The following NUP210L variants were observed in gnomAD, a reference collection of about 807,000 sequenced individuals.
NUP210L encodes nucleoporin 210 like.
In NUP210L, 74 loss-of-function variants were observed where a neutral mutation model predicts 208.5. The ratio of observed to expected loss-of-function variants is 0.35; its 90% CI spans 0.29 to 0.43. NUP210L has a LOEUF of 0.43. NUP210L is among the 20% of genes least tolerant of loss of function. The pLI is 1.00. For missense variants in NUP210L, 1,843 were observed against 2,289.4 expected, an observed-to-expected ratio of 0.81 and a Z score of 3.98; for synonymous variants, 780 against 816.9, an observed-to-expected ratio of 0.95 and a Z score of 0.77.
intron 38 of NUP210L, among the ~76,000 whole-genome samples, chr1:153,994,710 A>C (rs1282426718): frequency 6.6e-6 from 1 of 151,550 alleles, no homozygotes; most frequent in Non-Finnish European, 1.5e-5. Flanking sequence ...TTTCATCCTT[A>C]TTTGTGAAAT....
chr1:154,030,116 T>G, intron 27 of NUP210L, 62 bp from the exon 28 acceptor site: 1 of 1,206,602 alleles, frequency 8.3e-7, no homozygotes, highest in Non-Finnish European at 1.1e-6. Flanking sequence ...CTTCCTTTTT[T>G]TTTCACTTTT....
chr1:154,118,554 C>T (rs1321185746), intron 11 of NUP210L, 117 bp downstream of exon 11: 1 of 792,160 alleles, frequency 1.3e-6, no homozygotes, highest in Non-Finnish European at 1.8e-6. Context: ...GTCACCAAAA[C>T]CCAAGTTATA....
At chr1:154,068,879 G>A (rs1654552156) in intron 17 of NUP210L, among the ~76,000 whole-genome samples, 1 of 152,060 alleles carries the variant, frequency 6.6e-6, no homozygotes, top group Admixed American at 6.6e-5. Flanking sequence ...AATGCCAAAT[G>A]ACGAGTTAAT....
chr1:154,136,146 A>G (rs1658537163), intron 6 of NUP210L, among the ~76,000 whole-genome samples, 174 bp from the exon 7 acceptor site: 1 of 152,222 alleles, frequency 6.6e-6, no homozygotes. Flanking sequence ...TGGGGGGAGT[A>G]TATGAGTTAA....
At chr1:153,992,783 G>T in exon 40 of NUP210L, 2 of 1,220,142 alleles carry the variant, frequency 1.6e-6, no homozygotes, top group Non-Finnish European at 2.3e-6. Flanking sequence ...TCTTGTCGAG[G>T]ACTAGAAATC....
At chr1:154,152,682 C>T (rs1659458883) in intron 2 of NUP210L, 54 bp downstream of exon 2, 5 of 1,499,566 alleles carry the variant, frequency 3.3e-6, no homozygotes, top group East Asian at 2.3e-5. Flanking sequence ...TACAAAATAC[C>T]AGATTATTCT....
Position 154,125,908 on chromosome 1 carries a change from C to G in NUP210L, c.1326+415G>C, listed in dbSNP as rs528190746. The stretch of plus-strand genomic sequence containing the variant: ...TCAGCCTCCCAAGTAGCTGGAACTA[C>G]AGGCGCCCGCCACCGCGCCCGGCTA... On this transcript the variant is annotated intron_variant, in intron 10 of 39. Transcript: ENST00000368559. 2.6e-5 allele frequency among the ~76,000 whole-genome samples: 4 copies of G among 151,114 alleles called. No individual in the cohort carries two copies. In the South Asian group the frequency reaches 8.4e-4, roughly 32 times the overall value.
chr1:154,100,417 C>T (rs909243276), intron 13 of NUP210L, among the ~76,000 whole-genome samples: 1 of 150,146 alleles, frequency 6.7e-6, no homozygotes, highest in African/African-American at 2.4e-5. Flanking sequence ...CACCACTACA[C>T]CCCAGCCTGG....
chr1:154,101,104 AGAG>A (rs1475311685), intron 13 of NUP210L, among the ~76,000 whole-genome samples: 6 of 145,014 alleles, frequency 4.1e-5, no homozygotes, highest in African/African-American at 1.5e-4. Flanking sequence ...CCCAGAAGGC[AGAG>A]GTTGCCGTGA....
At chr1:154,077,087 A>C (rs1655076043) in intron 16 of NUP210L, among the ~76,000 whole-genome samples, 1 of 152,120 alleles carries the variant, frequency 6.6e-6, no homozygotes, top group Non-Finnish European at 1.5e-5. Context: ...AAAGTAAAAG[A>C]AAAAGGGCCA....
At chr1:154,152,664 ACTAT>A in intron 2 of NUP210L, 68 bp downstream of exon 2, 1 of 1,334,364 alleles carries the variant, frequency 7.5e-7, no homozygotes, top group Non-Finnish European at 1.1e-6. Context: ...ATTTGTGTTA[ACTAT>A]CTATACAAAA....
In NUP210L at chr1:154,050,207, A is replaced by T. The variant is rs539818124; in HGVS notation, c.3484-3838T>A. ...CCACAGAAAGTAACCATATGTAGGG[A>T]TCAATTGAAAACATTAAATGACTTT... On this transcript the variant is annotated intron_variant, in intron 25 of 39. Transcript: ENST00000368559. Among the ~76,000 whole-genome samples the T allele has an allele frequency of 6.6e-5, 10 of 152,348 alleles. No homozygotes were observed. In the East Asian group the frequency reaches 1.9e-3, roughly 29 times the overall value.
chr1:154,144,159 C>T (rs888250916), intron 2 of NUP210L, among the ~76,000 whole-genome samples: 2 of 151,388 alleles, frequency 1.3e-5, no homozygotes, highest in South Asian at 2.1e-4. Context: ...CAAACCTGTG[C>T]GACAGAGTGA....
In NUP210L at chr1:154,058,246, A is replaced by G. The variant is rs763333778; in HGVS notation, c.2980-30T>C. On this transcript the variant is annotated intron_variant, in intron 21 of 39. Coordinates refer to ENST00000368559, the Ensembl canonical transcript of NUP210L. ...TAGTTAAAAAGAAAAAGATTTTAGC[A>G]AAGGTGTCTCATTCACCAATGGCAG... The G allele has an allele frequency of 2.3e-5, 37 of 1,611,438 alleles. No homozygotes were observed. In the South Asian group the frequency reaches 3.5e-4, roughly 15 times the overall value.
intron 33 of NUP210L, 49 bp downstream of exon 33, chr1:154,018,884 G>C: frequency 6.3e-7 from 1 of 1,595,030 alleles, no homozygotes; most frequent in African/African-American, 1.3e-5. Flanking sequence ...ATCCTCATAT[G>C]TGGCAATAGT....
At chr1:154,058,571 A>C in exon 21 of NUP210L, 1 of 1,611,622 alleles carries the variant, frequency 6.2e-7, no homozygotes, top group Non-Finnish European at 8.5e-7. Flanking sequence ...TCACCTTATC[A>C]ATCAGATCAA....
chr1:153,992,980 G>T, intron 39 of NUP210L, 35 bp downstream of exon 39: 1 of 1,608,892 alleles, frequency 6.2e-7, no homozygotes, highest in South Asian at 1.1e-5. Context: ...GTGTGTATCT[G>T]AGCTTTTCAA....
intron 18 of NUP210L, 42 bp downstream of exon 18, chr1:154,061,544 A>G (rs1460419572): frequency 8.8e-7 from 1 of 1,140,204 alleles, no homozygotes; most frequent in South Asian, 1.3e-5. Context: ...TTTACATTCC[A>G]ATTATTTAAT....
At chr1:154,055,120 TTCTTTTCTTTCTTTCTTTC>T (rs1653748641) in intron 23 of NUP210L, among the ~76,000 whole-genome samples, 1 of 131,980 alleles carries the variant, frequency 7.6e-6, no homozygotes, top group Non-Finnish European at 1.5e-5. Flanking sequence ...TTCTCTTTCT[TTCTTTTCTTTCTTTCTTTC>T]TTTCTTTCTT....
Sources: allele counts gnomAD v4.1 joint callset (sites outside exome capture counted in the v4.1 genomes callset), GRCh38; gene constraint gnomAD v4.1.1; transcripts MANE v1.5; gene names NCBI Gene and HGNC (gene_info 2026-07-23, HGNC 2026-07-21).